The following PEG3 variants were observed in gnomAD, a reference collection of about 807,000 sequenced individuals.
PEG3 encodes the protein paternally expressed 3, also known as paternally-expressed gene 3 protein.
Under a neutral mutation model 35.5 loss-of-function variants are expected in PEG3, and 23 were observed. The ratio of observed to expected loss-of-function variants is 0.65; its 90% CI spans 0.47 to 0.92. PEG3 has a LOEUF of 0.92. Among genes scored for constraint, PEG3 ranks in the 40% least tolerant of loss-of-function variants. The probability of loss-of-function intolerance (pLI) is 0.00; values close to 1 mark genes in which losing one functional copy is unlikely to be tolerated. For missense variants in PEG3, 1,960 were observed against 1,985.3 expected (o/e 0.99, Z 0.24); for synonymous variants, 707 against 697.0 (o/e 1.01, Z -0.23).
In PEG3 at chr19:56,816,826, T is replaced by C; in HGVS notation, c.1616A>G (p.Glu539Gly). The change falls in exon 10 of 10, where the codon GAA (glutamate) becomes GGA (glycine). Residue 539 changes from glutamate to glycine, a missense_variant. This residue lies in a region of PEG3 where 798 missense variants were observed against 782.4 expected (regional missense o/e 1.02). Transcript: ENST00000326441. ...GCTAGGCATGAAGGCTTCCTCACAT[T>C]CCTGATTCTTACATTCCACAAGATA... ...RGYLVECKNQ[E>G]CEEAFMPSPT... 6.2e-7 allele frequency: 1 copy of C among 1,614,170 alleles called. No homozygotes were observed. Among genetic ancestry groups the C allele is most frequent in the Non-Finnish European group, 8.5e-7 (1 of 1,180,008 alleles).
rs963873137 is a variant in PEG3, at chr19:56,810,954, A to C, written c.*2721T>G. ...GGAACATTTGAAAAAATTAAAGTGAAAGTATTTAACCATAATTCCACAAAG... is the reference window on the plus strand; with the variant it reads ...GGAACATTTGAAAAAATTAAAGTGACAGTATTTAACCATAATTCCACAAAG... On this transcript the variant is annotated 3_prime_UTR_variant, in exon 10 of 10. Coordinates refer to ENST00000326441, the MANE Select transcript of PEG3 (RefSeq NM_006210.3). The C allele has an allele frequency of 5.1e-6, 5 of 971,556 alleles. No individual in the cohort carries two copies. The highest frequency in any genetic ancestry group is 1.2e-4 in the Admixed American group (2 of 16,250). 60.2% of individuals were successfully genotyped at this position (971,556 alleles called of 1,614,324 possible).
intron 2 of PEG3, among the ~76,000 whole-genome samples, chr19:56,829,573 C>A (rs1262452084): frequency 6.6e-6 from 1 of 152,172 alleles, no homozygotes; most frequent in Non-Finnish European, 1.5e-5. Context: ...CAACCCAGAG[C>A]CAAAGGCAGG....
At chr19:56,837,601 G>A (rs1389619966) in intron 1 of PEG3, among the ~76,000 whole-genome samples, 2 of 152,262 alleles carry the variant, frequency 1.3e-5, no homozygotes, top group African/African-American at 4.8e-5. Flanking sequence ...CACCAGCCAT[G>A]AGGGCACGCT....
At chr19:56,826,617 T>G (rs112588021) in intron 2 of PEG3, among the ~76,000 whole-genome samples, 154 bp from the exon 3 acceptor site, 5 of 152,318 alleles carry the variant, frequency 3.3e-5, no homozygotes, top group African/African-American at 1.2e-4. Context: ...TCCCATGCTA[T>G]ATAAACCATG....
chr19:56,826,373 C>T lies in PEG3; in HGVS notation c.-87+15G>A, dbSNP rs992069816. The T allele has an allele frequency of 6.6e-6, 1 of 152,254 alleles. No individual in the cohort carries two copies. The highest frequency in any genetic ancestry group is 1.5e-5 in the Non-Finnish European group (1 of 68,058). The allele number at this position is 152,254 out of a possible 1,614,324, so 9.4% of individuals were successfully genotyped here. On this transcript the variant is annotated intron_variant, in intron 3 of 9. Coordinates refer to ENST00000326441, the MANE Select transcript of PEG3 (RefSeq NM_006210.3). ...TCATCCTCAGGCAACAAGATACCCT[C>T]AGATATGTAATCACCTGTCTGGGAA...
intron 7 of PEG3, 135 bp downstream of exon 7, chr19:56,821,516 C>A: frequency 2.6e-5 from 27 of 1,047,034 alleles, no homozygotes; most frequent in South Asian, 7.8e-5. Flanking sequence ...TGGGCCCGGG[C>A]TCCTCCTGGA....
intron 1 of PEG3, among the ~76,000 whole-genome samples, chr19:56,838,722 C>G (rs987261052): frequency 5.3e-5 from 8 of 152,338 alleles, no homozygotes; most frequent in Admixed American, 4.6e-4. Context: ...CCGGCTCCCC[C>G]AGATGCGGGG....
chr19:56,835,667 T>TG (rs1320642884), intron 2 of PEG3, among the ~76,000 whole-genome samples: 3 of 152,244 alleles, frequency 2.0e-5, no homozygotes, highest in Non-Finnish European at 4.4e-5. Flanking sequence ...TTTCCCCCAT[T>TG]GGGGCTATGT....
chr19:56,816,684 A>T lies in PEG3; in HGVS notation c.1758T>A (p.Phe586Leu), dbSNP rs375629814. Residue 586 changes from phenylalanine (F) to leucine (L), a missense_variant, in exon 10 of 10, where the codon TTT (phenylalanine) becomes TTA (leucine). Physicochemically the swap from Phe to Leu is conservative, Grantham distance 22. Transcript: ENST00000326441. Reference sequence around the variant, plus strand: ...CACGCTCATTATCTTTGTCATCCCCAAAGTGGATTTTCTGGTGCTCAATCA... The same window carrying T: ...CACGCTCATTATCTTTGTCATCCCCTAAGTGGATTTTCTGGTGCTCAATCA... ...SALIEHQKIH[F>L]GDDKDNEREH... The T allele has an allele frequency of 1.5e-5, 24 of 1,613,982 alleles. No individual in the cohort carries two copies. The highest frequency in any genetic ancestry group is 1.9e-5 in the Non-Finnish European group (23 of 1,180,008).
At chr19:56,820,408 T>G (rs918597991) in intron 7 of PEG3, among the ~76,000 whole-genome samples, 3 of 152,318 alleles carry the variant, frequency 2.0e-5, no homozygotes, top group African/African-American at 7.2e-5. Context: ...ATGCCAATTC[T>G]TCACACATTG....
chr19:56,811,110 T>C lies in PEG3; in HGVS notation c.*2565A>G. On this transcript the variant is annotated 3_prime_UTR_variant, in exon 10 of 10. Transcript: ENST00000326441. ...ATGGTGGGGATATGATTTTTTTTCCTCCACTTTTCTGTATTTTCCAAGTGT... is the reference window on the plus strand; with the variant it reads ...ATGGTGGGGATATGATTTTTTTTCCCCCACTTTTCTGTATTTTCCAAGTGT... The C allele has an allele frequency of 1.0e-6, 1 of 984,574 alleles. No individual in the cohort carries two copies. Among genetic ancestry groups the C allele is most frequent in the Non-Finnish European group, 1.2e-6 (1 of 829,162 alleles). The allele number at this position is 984,574 out of a possible 1,614,324, so 61.0% of individuals were successfully genotyped here.
At position 56,810,822 on chromosome 19, in the gene PEG3, T is replaced by TA. The variant is rs2059485493; in HGVS notation, c.*2852dup. The TA allele has an allele frequency of 2.1e-6, 2 of 970,200 alleles. No individual in the cohort carries two copies. The highest frequency in any genetic ancestry group is 9.5e-5 in the South Asian group (2 of 20,986). 60.1% of individuals were successfully genotyped at this position (970,200 alleles called of 1,614,324 possible). ...AGTTGTTAGGTGTTGGGAATATAGG[T>TA]AATTTTTTAAAATAATTTACTTTAT... On this transcript the variant is annotated 3_prime_UTR_variant, in exon 10 of 10. Coordinates refer to ENST00000326441, the MANE Select transcript of PEG3 (RefSeq NM_006210.3).
intron 1 of PEG3, 137 bp from the exon 2 acceptor site, chr19:56,836,241 C>A: frequency 2.8e-6 from 1 of 360,664 alleles, no homozygotes; most frequent in Admixed American, 3.3e-5. Flanking sequence ...AAAAGCATCC[C>A]ATCCAGGATG....
intron 2 of PEG3, chr19:56,833,545 T>G (rs2870477): frequency 0.79 from 191,978 of 243,284 alleles, 75,912 homozygotes; most frequent in South Asian, 0.84. Context: ...TTCTCAGTAT[T>G]AAAGTGCATG....
At position 56,811,570 on chromosome 19, in the gene PEG3, A is replaced by T. The variant is rs2059544043; in HGVS notation, c.*2105T>A. On this transcript the variant is annotated 3_prime_UTR_variant, in exon 10 of 10. Transcript: ENST00000326441. ...AAGGTTGGAACGGACACCCTGACTTACAGCAAGTTGCTTTCTGAAAAGGGG... is the reference window on the plus strand; with the variant it reads ...AAGGTTGGAACGGACACCCTGACTTTCAGCAAGTTGCTTTCTGAAAAGGGG... 1 of 985,294 alleles carries T rather than the reference A, an allele frequency of 1.0e-6. No individual in the cohort carries two copies. Among genetic ancestry groups the T allele is most frequent in the Middle Eastern group, 5.2e-4 (1 of 1,914 alleles). 61.0% of individuals were successfully genotyped at this position (985,294 alleles called of 1,614,324 possible).
At position 56,813,692 on chromosome 19, in the gene PEG3, T is replaced by C. The variant is rs2059699400; in HGVS notation, c.4750A>G (p.Asn1584Asp). Residue 1584 changes from asparagine to aspartate, a missense_variant, in exon 10 of 10, where the codon AAT becomes GAT. Asn to Asp is a conservative substitution (Grantham distance 23). This residue lies in a region of PEG3 where 416 missense variants were observed against 416.7 expected (regional missense o/e 1.00). Transcript: ENST00000326441. ...CCATGCCCTCAGCCAGTGTGGGTATTCTGGTGTCTGGCGAGGGACAGGCGG... is the reference window on the plus strand; with the variant it reads ...CCATGCCCTCAGCCAGTGTGGGTATCCTGGTGTCTGGCGAGGGACAGGCGG... ...NDRLSLARHQNTHTG is the reference protein window; with the variant it reads ...NDRLSLARHQDTHTG 1.2e-6 allele frequency: 2 copies of C among 1,613,182 alleles called. No homozygotes were observed. The highest frequency in any genetic ancestry group is 1.7e-6 in the Non-Finnish European group (2 of 1,179,342).
rs868587917 is a variant in PEG3, at chr19:56,816,623, T to C, written c.1819A>G (p.Thr607Ala). Residue 607 changes from threonine to alanine, a missense_variant, in exon 10 of 10, where the codon ACC (threonine) becomes GCC (alanine). Coordinates refer to ENST00000326441, the MANE Select transcript of PEG3 (RefSeq NM_006210.3). ...TTAAGGGCTGGGCTGGGCCTAAAGG[T>C]TTCCCCGCGCTCACGTTCACGTTCA... ...ERERERERGE[T>A]FRPSPALNEF... 1.9e-6 allele frequency: 3 copies of C among 1,613,488 alleles called. No homozygotes were observed. The highest frequency in any genetic ancestry group is 1.3e-5 in the African/African-American group (1 of 74,988).
At position 56,829,343 on chromosome 19, in the gene PEG3, C is replaced by CAAA. The variant is rs35948458; in HGVS notation, c.-162-2883_-162-2881dup. Among the ~76,000 whole-genome samples the CAAA allele has an allele frequency of 1.4e-3, 119 of 86,564 alleles. 1 individual carries two copies. Among genetic ancestry groups the CAAA allele is most frequent in the South Asian group, 5.3e-3 (14 of 2,646 alleles). The allele number at this position is 86,564 out of a possible 152,430, so 56.8% of individuals were successfully genotyped here. On this transcript the variant is annotated intron_variant, in intron 2 of 9. Transcript: ENST00000326441. ...TGGGCAACAGAGCGAGACTCCATCT[C>CAAA]AAAAAAAAAAAAAAAAAAGTCAGCT...
chr19:56,811,130 A>G lies in PEG3; in HGVS notation c.*2545T>C, dbSNP rs2059513587. Reference sequence around the variant, plus strand: ...TTTCCTCCACTTTTCTGTATTTTCCAAGTGTGTGATAATGAGTTCAAATTA... The same window carrying G: ...TTTCCTCCACTTTTCTGTATTTTCCGAGTGTGTGATAATGAGTTCAAATTA... On this transcript the variant is annotated 3_prime_UTR_variant, in exon 10 of 10. Coordinates refer to ENST00000326441, the MANE Select transcript of PEG3 (RefSeq NM_006210.3). 20 of 983,662 alleles carry G rather than the reference A, an allele frequency of 2.0e-5. No individual in the cohort carries two copies. Among genetic ancestry groups the G allele is most frequent in the Non-Finnish European group, 2.3e-5 (19 of 828,304 alleles). 60.9% of individuals were successfully genotyped at this position (983,662 alleles called of 1,614,324 possible).
Sources: gnomAD v4.1 joint callset for allele counts (sites outside exome capture counted in the v4.1 genomes callset) on GRCh38, gnomAD v4.1.1 for gene constraint, gnomAD v4.1.1 regional missense constraint, MANE v1.5 for transcripts, NCBI Gene and HGNC (gene_info 2026-07-23, HGNC 2026-07-21) for gene names.